The following DIS3L2 variants were observed in gnomAD, a reference collection of about 807,000 sequenced individuals.
DIS3L2 encodes DIS3 like 3'-5' exoribonuclease 2.
DIS3L2 carries 34 observed loss-of-function variants against 97.5 expected under a neutral mutation model. The ratio of observed to expected loss-of-function variants is 0.35; its 90% CI spans 0.27 to 0.46. DIS3L2 has a LOEUF of 0.46. DIS3L2 is among the 20% of genes least tolerant of loss of function. The pLI is 1.00. For missense variants in DIS3L2, 1,038 were observed against 1,146.0 expected (o/e 0.91, Z 1.36); for synonymous variants, 435 against 445.2 (o/e 0.98, Z 0.29).
intron 15 of DIS3L2, 86 bp from the exon 16 acceptor site, chr2:232,330,604 C>A (rs1695706958): frequency 1.4e-6 from 2 of 1,391,590 alleles, no homozygotes; most frequent in Non-Finnish European, 2.0e-6. Context: ...CAGAGCCGGG[C>A]ATGAGGTGCT....
chr2:231,983,953 G>A (rs796426342), intron 1 of DIS3L2, among the ~76,000 whole-genome samples: 8 of 150,380 alleles, frequency 5.3e-5, no homozygotes, highest in African/African-American at 2.0e-4. Context: ...TATTATAACA[G>A]AGTTTTCTAA....
At chr2:232,084,680 A>G (rs1696518229) in intron 5 of DIS3L2, among the ~76,000 whole-genome samples, 2 of 152,148 alleles carry the variant, frequency 1.3e-5, no homozygotes, top group Admixed American at 6.5e-5. Flanking sequence ...GGACAAATGA[A>G]TGTATGAATC....
rs1574925816 is a variant in DIS3L2 at position 232,173,903 on chromosome 2, A to C, written c.1124+10271A>C. Among the ~76,000 whole-genome samples, 4 of 152,076 alleles carry C rather than the reference A, an allele frequency of 2.6e-5. No individual in the cohort carries two copies. The East Asian group carries it at 5.8e-4, about 22-fold the overall frequency. On this transcript the variant is annotated intron_variant, in intron 9 of 20. Transcript: ENST00000325385. The stretch of plus-strand genomic sequence containing the variant: ...TTCCAACTTTGCTTTTTTTTCTTTC[A>C]GATTTTTCTACTATTCTGGGTTCTT...
chr2:232,213,625 A>C (rs572516195), intron 10 of DIS3L2, among the ~76,000 whole-genome samples: 1 of 150,972 alleles, frequency 6.6e-6, no homozygotes, highest in South Asian at 2.1e-4. Flanking sequence ...TTCAAAAAAC[A>C]AATAGTGTTT....
chr2:232,051,211 A>G (rs1396418101), intron 5 of DIS3L2, among the ~76,000 whole-genome samples: 1 of 152,164 alleles, frequency 6.6e-6, no homozygotes, highest in Non-Finnish European at 1.5e-5. Context: ...TAGGGGCCTC[A>G]CCTATAAATG....
At chr2:232,328,137 A>G (rs1258602840) in intron 14 of DIS3L2, among the ~76,000 whole-genome samples, 1 of 152,214 alleles carries the variant, frequency 6.6e-6, no homozygotes, top group Non-Finnish European at 1.5e-5. Context: ...ACTGCCACCC[A>G]GAGGGCAACA....
intron 5 of DIS3L2, among the ~76,000 whole-genome samples, chr2:232,042,391 T>C (rs1695133347): frequency 6.6e-6 from 1 of 152,002 alleles, no homozygotes; most frequent in Admixed American, 6.6e-5. Context: ...TCATTTTGGA[T>C]TGTTCTCAAT....
chr2:232,251,994 C>T (rs1287853879), intron 12 of DIS3L2, among the ~76,000 whole-genome samples: 1 of 30,334 alleles, frequency 3.3e-5, no homozygotes, highest in Non-Finnish European at 8.0e-5. Context: ...AGCAGATAAT[C>T]CAATACAGAA....
chr2:232,230,889 C>T (rs1692769575), intron 10 of DIS3L2, among the ~76,000 whole-genome samples: 1 of 152,070 alleles, frequency 6.6e-6, no homozygotes, highest in East Asian at 1.9e-4. Context: ...ACAGCTGTGT[C>T]CCTAGACACA....
At chr2:232,018,506 T>A (rs1241871432) in intron 3 of DIS3L2, among the ~76,000 whole-genome samples, 1 of 152,198 alleles carries the variant, frequency 6.6e-6, no homozygotes, top group East Asian at 1.9e-4. Flanking sequence ...CTGCTTGATA[T>A]AAACTTTATG....
chr2:232,332,778 G>A (rs1345893364), intron 16 of DIS3L2, among the ~76,000 whole-genome samples: 2 of 152,210 alleles, frequency 1.3e-5, no homozygotes, highest in African/African-American at 4.8e-5. Flanking sequence ...ACTGCTGTGG[G>A]GTGGAGTATT....
chr2:232,177,378 G>A (rs1381139615), intron 9 of DIS3L2, among the ~76,000 whole-genome samples: 6 of 120,038 alleles, frequency 5.0e-5, no homozygotes, highest in Admixed American at 2.6e-4. Context: ...CTGAGGAATC[G>A]CCACACTGAC....
chr2:232,089,132 ATTGC>A (rs1257056839), intron 6 of DIS3L2, among the ~76,000 whole-genome samples: 3 of 152,238 alleles, frequency 2.0e-5, no homozygotes, highest in Non-Finnish European at 1.5e-5. Flanking sequence ...GCTTTTCTCC[ATTGC>A]TGAGGAGGTA....
intron 12 of DIS3L2, among the ~76,000 whole-genome samples, chr2:232,255,247 A>G (rs756296240): frequency 4.1e-4 from 62 of 152,224 alleles, no homozygotes; most frequent in Non-Finnish European, 3.5e-4. Context: ...TGTGTGGCCA[A>G]AGTCTGAGGC....
At chr2:232,019,216 A>G (rs1452597239) in intron 3 of DIS3L2, among the ~76,000 whole-genome samples, 2 of 152,190 alleles carry the variant, frequency 1.3e-5, no homozygotes, top group African/African-American at 2.4e-5. Flanking sequence ...AGGAAGATAG[A>G]GGTCAGGATG....
intron 12 of DIS3L2, among the ~76,000 whole-genome samples, chr2:232,252,959 A>G (rs1359942925): frequency 6.6e-6 from 1 of 152,176 alleles, no homozygotes; most frequent in Non-Finnish European, 1.5e-5. Context: ...AAAAACAGAC[A>G]CCAGAGAGTG....
At chr2:232,013,429 G>A (rs761025011) in intron 1 of DIS3L2, among the ~76,000 whole-genome samples, 20 of 152,252 alleles carry the variant, frequency 1.3e-4, no homozygotes, top group Non-Finnish European at 2.5e-4. Context: ...ATATAGGCTG[G>A]ACTCTATCCA....
intron 12 of DIS3L2, chr2:232,260,265 GA>G (rs1693680469): frequency 6.6e-6 from 1 of 152,392 alleles, no homozygotes; most frequent in Admixed American, 6.5e-5. Flanking sequence ...ATCACCAGGG[GA>G]AACCCTTGAG....
intron 6 of DIS3L2, among the ~76,000 whole-genome samples, chr2:232,127,568 G>T (rs1698097438): frequency 6.6e-6 from 1 of 152,108 alleles, no homozygotes; most frequent in South Asian, 2.1e-4. Flanking sequence ...CTCTTATCTT[G>T]CCCTGGGCAA....
Sources: gnomAD v4.1 joint callset for allele counts (sites outside exome capture counted in the v4.1 genomes callset) on GRCh38, gnomAD v4.1.1 for gene constraint, MANE v1.5 for transcripts, NCBI Gene and HGNC (gene_info 2026-07-23, HGNC 2026-07-21) for gene names.